The following DYNLT1 variants were observed in gnomAD, a reference collection of about 807,000 sequenced individuals.
DYNLT1 encodes the protein T-complex testis-specific protein 1 homolog.
In DYNLT1, 18 loss-of-function variants were observed where a neutral mutation model predicts 19.6. The ratio of observed to expected loss-of-function variants is 0.92; its 90% CI spans 0.64 to 1.36. DYNLT1 has a LOEUF of 1.36. Among genes scored for constraint, DYNLT1 ranks in the 40% most tolerant of loss-of-function variants. The pLI, the probability that DYNLT1 is intolerant of heterozygous loss-of-function variation, is 0.00. For synonymous variants in DYNLT1, 56 were observed against 44.0 expected, an observed-to-expected ratio of 1.27 and a Z score of -1.07; for missense variants, 137 against 139.3, an observed-to-expected ratio of 0.98 and a Z score of 0.08.
intron 2 of DYNLT1, 115 bp downstream of exon 2, chr6:158,641,204 G>T: frequency 1.1e-6 from 1 of 936,942 alleles, no homozygotes; most frequent in Non-Finnish European, 1.5e-6. Flanking sequence ...ACTGTTATTT[G>T]AAACACCAAA....
intron 1 of DYNLT1, among the ~76,000 whole-genome samples, chr6:158,644,423 CT>C (rs1396769506): frequency 6.6e-6 from 1 of 152,180 alleles, no homozygotes; most frequent in African/African-American, 2.4e-5. Flanking sequence ...GGGGCGCTCT[CT>C]CCGAGTCACG....
intron 1 of DYNLT1, 35 bp downstream of exon 1, chr6:158,644,647 G>C (rs187480850): frequency 2.5e-6 from 4 of 1,610,992 alleles, no homozygotes; most frequent in East Asian, 2.2e-5. Context: ...CAGGGCTCTA[G>C]GCCTCCACCC....
chr6:158,644,366 G>A (rs1333398378), intron 1 of DYNLT1, among the ~76,000 whole-genome samples: 2 of 152,116 alleles, frequency 1.3e-5, no homozygotes, highest in East Asian at 2.0e-4. Flanking sequence ...GCTTGGCTGC[G>A]GGCCGGAGGC....
At chr6:158,642,442 C>T (rs1787155968) in intron 1 of DYNLT1, 1 of 152,250 alleles carries the variant, frequency 6.6e-6, no homozygotes. Context: ...GACACGCCTT[C>T]GAGAGGGCAA....
intron 1 of DYNLT1, 40 bp downstream of exon 1, chr6:158,644,642 C>T (rs1283376675): frequency 1.2e-6 from 2 of 1,610,674 alleles, no homozygotes; most frequent in African/African-American, 1.3e-5. Context: ...GCGGCCAGGG[C>T]TCTAGGCCTC....
rs755815283 is a variant in DYNLT1, at chr6:158,636,873, T to A, written c.296A>T (p.Asn99Ile). The A allele has an allele frequency of 6.2e-7, 1 of 1,613,666 alleles. No individual in the cohort carries two copies. Residue 99 changes from asparagine (N) to isoleucine (I), a missense_variant, in exon 5 of 5, where the codon AAT becomes ATT. Physicochemically the swap from Asn to Ile is moderately radical, Grantham distance 149. Coordinates refer to ENST00000367089, the MANE Select transcript of DYNLT1 (RefSeq NM_006519.4). ...ACTGACGATGCAGTACATGGTCTTA[T>A]TCTCCCATCGCACAGTGCAGCTCCC... ...TDGSCTVRWE[N>I]KTMYCIVSAF...
intron 1 of DYNLT1, among the ~76,000 whole-genome samples, chr6:158,643,960 C>G (rs1233574515): frequency 6.6e-6 from 1 of 151,850 alleles, no homozygotes; most frequent in African/African-American, 2.4e-5. Context: ...CCCGAATGAC[C>G]GTGAGCTTGA....
rs1394700030 is a variant in DYNLT1 at position 158,642,628 on chromosome 6, G to A, written c.28-1268C>T. 2.6e-5 allele frequency: 4 copies of A among 152,176 alleles called. No homozygotes were observed. The East Asian group carries it at 7.7e-4, about 29-fold the overall frequency. 9.4% of individuals were successfully genotyped at this position (152,176 alleles called of 1,614,324 possible). A position where few individuals can be genotyped will look rare whatever the true frequency, so the allele number is the denominator to read the frequency against. ...CCTCACTTGCTGTACTCAGAAGTCG[G>A]ACTTGGAAACAAAACCAACTCACTG... On this transcript the variant is annotated intron_variant, in intron 1 of 4. Coordinates refer to ENST00000367089, the MANE Select transcript of DYNLT1 (RefSeq NM_006519.4).
At chr6:158,644,634 G>C (rs762604707) in intron 1 of DYNLT1, 48 bp downstream of exon 1, 1 of 1,608,820 alleles carries the variant, frequency 6.2e-7, no homozygotes, top group South Asian at 1.1e-5. Context: ...GTCCTTCCGC[G>C]GCCAGGGCTC....
chr6:158,643,567 T>C (rs1787215289), intron 1 of DYNLT1, among the ~76,000 whole-genome samples: 2 of 152,318 alleles, frequency 1.3e-5, no homozygotes, highest in South Asian at 4.1e-4. Flanking sequence ...CGGCAACCTC[T>C]GCCTCCCAGG....
intron 1 of DYNLT1, among the ~76,000 whole-genome samples, 165 bp downstream of exon 1, chr6:158,644,517 A>C (rs1403270481): frequency 1.3e-5 from 2 of 152,122 alleles, no homozygotes; most frequent in Non-Finnish European, 2.9e-5. Flanking sequence ...TCCGGGCAGA[A>C]TGGGGCCGGG....
chr6:158,644,184 G>C (rs565174856), intron 1 of DYNLT1, among the ~76,000 whole-genome samples: 522 of 152,174 alleles, frequency 3.4e-3, no homozygotes, highest in African/African-American at 0.012. Flanking sequence ...GGGATGGCCG[G>C]GACGCCAGCC....
In DYNLT1 at chr6:158,637,826, T is replaced by C. The variant is rs1787047786; in HGVS notation, c.138A>G (p.Val46=). ...HSKVNQWTTN[V]VEQTLSQLTK... The stretch of plus-strand genomic sequence containing the variant: ...TGAGTTGGCTTAAAGTTTGTTCTAC[T>C]ACATTTGTGGTCCACTGGTTCACTT... The change falls in exon 3 of 5, where the codon GTA becomes GTG. Residue 46 remains valine, a synonymous_variant. Coordinates refer to ENST00000367089, the MANE Select transcript of DYNLT1 (RefSeq NM_006519.4). 1.2e-6 allele frequency: 2 copies of C among 1,612,564 alleles called. No homozygotes were observed. The highest frequency in any genetic ancestry group is 8.5e-7 in the Non-Finnish European group (1 of 1,180,034).
At chr6:158,640,861 C>A (rs921577668) in intron 2 of DYNLT1, among the ~76,000 whole-genome samples, 1 of 152,186 alleles carries the variant, frequency 6.6e-6, no homozygotes, top group African/African-American at 2.4e-5. Context: ...ACAAACATCC[C>A]TTCTGTCTCT....
At chr6:158,636,984 A>C in intron 4 of DYNLT1, 87 bp from the exon 5 acceptor site, 1 of 1,544,456 alleles carries the variant, frequency 6.5e-7, no homozygotes, top group East Asian at 2.3e-5. Flanking sequence ...TCAAGTACCC[A>C]TCTCTATGCT....
At chr6:158,637,629 CGTATACT>C (rs2128337013) in intron 3 of DYNLT1, 135 bp downstream of exon 3, 21 of 1,309,584 alleles carry the variant, frequency 1.6e-5, no homozygotes, top group Middle Eastern at 1.9e-4. Context: ...CGTACGCTAA[CGTATACT>C]ACACACACGA....
chr6:158,640,065 A>G (rs1208342206), intron 2 of DYNLT1, among the ~76,000 whole-genome samples: 2 of 152,190 alleles, frequency 1.3e-5, no homozygotes, highest in African/African-American at 4.8e-5. Context: ...CGGCAGAACT[A>G]GACTTCCCAA....
intron 2 of DYNLT1, among the ~76,000 whole-genome samples, chr6:158,638,332 C>T (rs1159723555): frequency 2.0e-5 from 3 of 152,206 alleles, no homozygotes; most frequent in Non-Finnish European, 4.4e-5. Context: ...TTTTATCCAG[C>T]ATTGTCTGAG....
intron 1 of DYNLT1, 80 bp downstream of exon 1, chr6:158,644,602 G>A (rs369454374): frequency 1.5e-5 from 23 of 1,561,958 alleles, no homozygotes; most frequent in African/African-American, 4.1e-5. Context: ...GGGCAGCCAG[G>A]CCTTTCCGGG....
Sources: allele counts gnomAD v4.1 joint callset (sites outside exome capture counted in the v4.1 genomes callset), GRCh38; gene constraint gnomAD v4.1.1; transcripts MANE v1.5; gene names NCBI Gene and HGNC (gene_info 2026-07-23, HGNC 2026-07-21).